Variants in GKN1 observed in about 807,000 individuals in gnomAD.
GKN1 encodes gastrokine 1.
A neutral mutation model predicts 19.7 loss-of-function variants in GKN1; 17 were observed. The ratio of observed to expected loss-of-function variants is 0.86; its 90% CI spans 0.59 to 1.29. The LOEUF is 1.29. Among genes scored for constraint, GKN1 ranks in the 50% most tolerant of loss-of-function variants. The pLI, the probability that GKN1 is intolerant of heterozygous loss-of-function variation, is 0.00. For missense variants in GKN1, 218 were observed against 224.5 expected (o/e 0.97, Z 0.19); for synonymous variants, 96 against 78.3 (o/e 1.23, Z -1.20).
chr2:68,980,746 T>A lies in GKN1; in HGVS notation c.481T>A (p.Tyr161Asn), dbSNP rs755914962. 1 of 1,576,802 alleles carries A rather than the reference T, an allele frequency of 6.3e-7. No individual in the cohort carries two copies. The highest frequency in any genetic ancestry group is 1.7e-4 in the Middle Eastern group (1 of 5,982). Reference sequence around the variant, plus strand: ...TTTATTAGAGGCAAGCCTGTTTTTTTACTCAGGAACGTGCTACACGACCAG... The same window carrying A: ...TTTATTAGAGGCAAGCCTGTTTTTTAACTCAGGAACGTGCTACACGACCAG... ...EEMQEASLFF[Y>N]SGTCYTTSVL... The change falls in exon 6 of 6, where the codon TAC becomes AAC. Residue 161 changes from tyrosine to asparagine, a missense_variant. Physicochemically the swap from Tyr to Asn is moderately radical, Grantham distance 143 (BLOSUM62 -2). Coordinates refer to ENST00000377938, the MANE Select transcript of GKN1 (RefSeq NM_019617.4).
In GKN1 at chr2:68,974,647, C is replaced by T. The variant is rs754746622; in HGVS notation, c.-31C>T. The T allele has an allele frequency of 6.2e-7, 1 of 1,603,884 alleles. No individual in the cohort carries two copies. Among genetic ancestry groups the T allele is most frequent in the South Asian group, 1.1e-5 (1 of 90,872 alleles). ...TCTCATTCAGGTCCATGCTTGCCTA[C>T]TCCTCTGTCCACTGCTTTCGTGAAG... is the stretch of plus-strand genomic sequence containing the variant. On this transcript the variant is annotated 5_prime_UTR_variant, in exon 1 of 6. Transcript: ENST00000377938.
intron 1 of GKN1, among the ~76,000 whole-genome samples, chr2:68,976,252 CTT>C (rs1222689803): frequency 6.6e-6 from 1 of 152,112 alleles, no homozygotes; most frequent in East Asian, 1.9e-4. Context: ...ATTTTTAGCA[CTT>C]ATAGCCATCT....
chr2:68,979,839 C>G, intron 4 of GKN1, 74 bp from the exon 5 acceptor site: 1 of 1,301,232 alleles, frequency 7.7e-7, no homozygotes, highest in Non-Finnish European at 1.1e-6. Flanking sequence ...GTATACCCCT[C>G]AAGTCAACAA....
At chr2:68,978,294 A>AAGAAAGAAAGAAAGAAAGAAAGAAAG (rs766730731) in intron 3 of GKN1, among the ~76,000 whole-genome samples, 9 of 121,666 alleles carry the variant, frequency 7.4e-5, no homozygotes, top group African/African-American at 3.0e-4. Flanking sequence ...GAAAGAAAGA[A>AAGAAAGAAAGAAAGAAAGAAAGAAAG]AGAGAGAGAA....
intron 4 of GKN1, among the ~76,000 whole-genome samples, chr2:68,979,508 A>C (rs1670327091): frequency 6.6e-6 from 1 of 152,240 alleles, no homozygotes; most frequent in Non-Finnish European, 1.5e-5. Context: ...ATAATGTTTT[A>C]AAATATTTGC....
Position 68,980,973 on chromosome 2 carries a change from T to G in GKN1, c.*150T>G. The G allele has an allele frequency of 1.6e-6, 1 of 614,054 alleles. No individual in the cohort carries two copies. The highest frequency in any genetic ancestry group is 2.9e-6 in the Non-Finnish European group (1 of 346,554). 38.0% of individuals were successfully genotyped at this position (614,054 alleles called of 1,614,324 possible). The stretch of plus-strand genomic sequence containing the variant: ...AAGTTTCAATAAAATCATTTAGCAT[T>G]GAATTCAGTGTATACTCACATTTCT... On this transcript the variant is annotated 3_prime_UTR_variant, in exon 6 of 6. Coordinates refer to ENST00000377938, the MANE Select transcript of GKN1 (RefSeq NM_019617.4).
chr2:68,979,923 A>G lies in GKN1; in HGVS notation c.326A>G (p.Lys109Arg). The change falls in exon 5 of 6, where the codon AAG becomes AGG. Residue 109 changes from lysine to arginine, a missense_variant. Lys to Arg is a conservative substitution (Grantham distance 26). Coordinates refer to ENST00000377938, the MANE Select transcript of GKN1 (RefSeq NM_019617.4). ...ALVKEKKLQG[K>R]GPGGPPPKGL... ...CTTTTCCACACTCAGCTTCAGGGTA[A>G]GGGACCAGGAGGACCACCTCCCAAG... 1.2e-6 allele frequency: 2 copies of G among 1,613,374 alleles called. No individual in the cohort carries two copies. The highest frequency in any genetic ancestry group is 1.7e-6 in the Non-Finnish European group (2 of 1,179,294).
rs181634449 is a variant in GKN1 at position 68,978,994 on chromosome 2, G to A, written c.315+13G>A. 3.6e-6 allele frequency: 5 copies of A among 1,386,084 alleles called. No individual in the cohort carries two copies. The highest frequency in any genetic ancestry group is 1.8e-4 in the Middle Eastern group (1 of 5,582). 85.9% of individuals were successfully genotyped at this position (1,386,084 alleles called of 1,614,324 possible). On this transcript the variant is annotated intron_variant, in intron 4 of 5. Transcript: ENST00000377938. ...CAAGGAAAAGAAGGTAAAAATAAAA[G>A]GCTTTTTATTTTTGGTGAGGGGAGA...
intron 1 of GKN1, 81 bp downstream of exon 1, chr2:68,974,770 T>C: frequency 1.1e-6 from 1 of 908,104 alleles, no homozygotes; most frequent in Non-Finnish European, 1.9e-6. Flanking sequence ...GTCTGCTTCT[T>C]ATGGCCCCAT....
chr2:68,977,374 A>G (rs897501059), intron 1 of GKN1, 121 bp from the exon 2 acceptor site: 2 of 702,624 alleles, frequency 2.8e-6, no homozygotes, highest in Non-Finnish European at 2.5e-6. Context: ...AAAAAAACAC[A>G]TTGAACTAGA....
chr2:68,979,783 CT>C (rs1287795827), intron 4 of GKN1, 129 bp from the exon 5 acceptor site: 17 of 685,776 alleles, frequency 2.5e-5, no homozygotes. Context: ...TCTTCTTCAT[CT>C]TGATTATGGA....
In GKN1 at chr2:68,980,776, C is replaced by A; in HGVS notation, c.511C>A (p.Leu171Ile). 1 of 1,598,858 alleles carries A rather than the reference C, an allele frequency of 6.3e-7. No homozygotes were observed. Among genetic ancestry groups the A allele is most frequent in the Non-Finnish European group, 8.6e-7 (1 of 1,166,166 alleles). The change falls in exon 6 of 6, where the codon CTA (leucine) becomes ATA (isoleucine). Residue 171 changes from leucine (L) to isoleucine (I), a missense_variant. Coordinates refer to ENST00000377938, the MANE Select transcript of GKN1 (RefSeq NM_019617.4). ...YSGTCYTTSVLWIVDISFCGD... is the reference protein window; with the variant it reads ...YSGTCYTTSVIWIVDISFCGD... ...AGGAACGTGCTACACGACCAGTGTA[C>A]TATGGATTGTGGACATTTCCTTCTG...
At chr2:68,977,952 T>C in intron 3 of GKN1, 178 bp downstream of exon 3, 1 of 593,272 alleles carries the variant, frequency 1.7e-6, no homozygotes, top group Non-Finnish European at 3.0e-6. Context: ...AGATAACTAC[T>C]GTTAATAAGT....
intron 1 of GKN1, among the ~76,000 whole-genome samples, chr2:68,975,137 T>C (rs945112000): frequency 1.3e-5 from 2 of 152,154 alleles, no homozygotes; most frequent in African/African-American, 4.8e-5. Context: ...CCGCATCACC[T>C]GATTCCGGTC....
chr2:68,979,100 AG>A (rs985696890), intron 4 of GKN1, 119 bp downstream of exon 4: 23 of 565,370 alleles, frequency 4.1e-5, no homozygotes, highest in Non-Finnish European at 6.7e-5. Flanking sequence ...TGCAGCACAA[AG>A]GGGGAAGTTA....
chr2:68,980,878 A>C lies in GKN1; in HGVS notation c.*55A>C, dbSNP rs1670348895. ...TCATCTGAATATGCTGTGCAGAAAA[A>C]ATATGGGCTCCAGTGGTTTTTACCA... On this transcript the variant is annotated 3_prime_UTR_variant, in exon 6 of 6. Transcript: ENST00000377938. 1.2e-6 allele frequency: 1 copy of C among 858,724 alleles called. No homozygotes were observed. The highest frequency in any genetic ancestry group is 1.8e-5 in the Admixed American group (1 of 56,142). The allele number at this position is 858,724 out of a possible 1,614,324, so 53.2% of individuals were successfully genotyped here. A position where few individuals can be genotyped will look rare whatever the true frequency, so the allele number is the denominator to read the frequency against.
intron 1 of GKN1, among the ~76,000 whole-genome samples, chr2:68,977,272 A>G (rs1411564516): frequency 2.0e-5 from 3 of 152,206 alleles, no homozygotes; most frequent in Admixed American, 6.5e-5. Flanking sequence ...TTCTAAAACT[A>G]TATATCACAT....
intron 1 of GKN1, among the ~76,000 whole-genome samples, chr2:68,976,604 T>C (rs1340292191): frequency 2.6e-5 from 4 of 152,186 alleles, no homozygotes; most frequent in Admixed American, 2.6e-4. Flanking sequence ...TTTGTTAATA[T>C]TTAGGAGGAT....
In GKN1 at chr2:68,980,924, C is replaced by A; in HGVS notation, c.*101C>A. 1 of 677,612 alleles carries A rather than the reference C, an allele frequency of 1.5e-6. No individual in the cohort carries two copies. Among genetic ancestry groups the A allele is most frequent in the Non-Finnish European group, 2.7e-6 (1 of 375,074 alleles). 42.0% of individuals were successfully genotyped at this position (677,612 alleles called of 1,614,324 possible). ...TACCATGTCATTCTGAAATTTTTCT[C>A]TACTAGTTATGTTTGATTTCTTTAA... On this transcript the variant is annotated 3_prime_UTR_variant, in exon 6 of 6. Transcript: ENST00000377938.
Sources: allele counts gnomAD v4.1 joint callset (sites outside exome capture counted in the v4.1 genomes callset), GRCh38; gene constraint gnomAD v4.1.1; transcripts MANE v1.5; gene names NCBI Gene and HGNC (gene_info 2026-07-23, HGNC 2026-07-21).